Variants in BNIP2 observed in about 807,000 individuals in gnomAD.
BNIP2 encodes the protein BCL2/adenovirus E1B 19 kDa protein-interacting protein 2.
BNIP2 carries 36 observed loss-of-function variants against 43.4 expected under a neutral mutation model. The observed-to-expected ratio is 0.83, with a 90% CI of 0.64 to 1.10. The LOEUF is 1.10. Among genes scored for constraint, BNIP2 ranks in the 50% least tolerant of loss-of-function variants. BNIP2 has a pLI of 0.00. For missense variants in BNIP2, 417 were observed against 374.1 expected (o/e 1.11, Z -0.95); for synonymous variants, 146 against 121.0 (o/e 1.21, Z -1.35).
intron 1 of BNIP2, chr15:59,688,755 T>C: frequency 6.5e-7 from 1 of 1,535,746 alleles, no homozygotes; most frequent in South Asian, 1.2e-5. Flanking sequence ...TTCTTTGTTC[T>C]GTACCAGGAC....
chr15:59,676,636 T>A (rs1364593331), intron 5 of BNIP2: 4 of 568,470 alleles, frequency 7.0e-6, no homozygotes, highest in Non-Finnish European at 1.2e-5. Context: ...CAAAATTACA[T>A]AATATCTCTA....
chr15:59,681,495 C>G (rs769295376), intron 2 of BNIP2, among the ~76,000 whole-genome samples: 3 of 147,550 alleles, frequency 2.0e-5, no homozygotes, highest in Non-Finnish European at 3.0e-5. Flanking sequence ...GTCGCCCAAG[C>G]TGGAGTGCAG....
At chr15:59,676,653 GT>G (rs1893309701) in intron 5 of BNIP2, 1 of 589,582 alleles carries the variant, frequency 1.7e-6, no homozygotes, top group African/African-American at 1.9e-5. Context: ...TCTAGGCAGA[GT>G]TTCTAAAAGT....
intron 5 of BNIP2, among the ~76,000 whole-genome samples, chr15:59,675,635 G>C (rs1202459785): frequency 6.6e-6 from 1 of 151,924 alleles, no homozygotes; most frequent in African/African-American, 2.4e-5. Flanking sequence ...AAGAGTCCAA[G>C]TTTTACTTAT....
chr15:59,671,167 C>G lies in BNIP2; in HGVS notation c.707+16G>C, dbSNP rs1305597704. On this transcript the variant is annotated intron_variant, in intron 7 of 9. Coordinates refer to ENST00000607373, the MANE Select transcript of BNIP2 (RefSeq NM_004330.4). ...AAAATTTTTTCAGACTAGCTTTCAA[C>G]TTGTATTTGTATTACCTTCTATCAA... 1 of 1,562,618 alleles carries G rather than the reference C, an allele frequency of 6.4e-7. No individual in the cohort carries two copies. Among genetic ancestry groups the G allele is most frequent in the Non-Finnish European group, 8.7e-7 (1 of 1,153,276 alleles).
chr15:59,680,130 T>A (rs1893567471), intron 3 of BNIP2, 111 bp downstream of exon 3: 4 of 894,918 alleles, frequency 4.5e-6, no homozygotes, highest in Non-Finnish European at 6.4e-6. Context: ...ATACTTTGAC[T>A]TCTATGATGG....
intron 1 of BNIP2, among the ~76,000 whole-genome samples, chr15:59,684,739 C>A (rs1219628172): frequency 6.6e-6 from 1 of 152,124 alleles, no homozygotes; most frequent in Non-Finnish European, 1.5e-5. Flanking sequence ...ATTATCTTGT[C>A]GTACCTTTTT....
At chr15:59,685,437 G>C (rs1893951605) in intron 1 of BNIP2, among the ~76,000 whole-genome samples, 1 of 152,184 alleles carries the variant, frequency 6.6e-6, no homozygotes, top group Non-Finnish European at 1.5e-5. Flanking sequence ...AGAGGTGAAG[G>C]TTGCAGTGAG....
intron 5 of BNIP2, among the ~76,000 whole-genome samples, chr15:59,675,832 A>G (rs979435134): frequency 6.6e-6 from 1 of 152,246 alleles, no homozygotes; most frequent in South Asian, 2.1e-4. Context: ...ATGAATCTCA[A>G]AAACTTCATG....
At chr15:59,686,368 A>G (rs1046199177) in intron 1 of BNIP2, among the ~76,000 whole-genome samples, 3 of 151,988 alleles carry the variant, frequency 2.0e-5, no homozygotes, top group Non-Finnish European at 4.4e-5. Flanking sequence ...TGGGCAACAC[A>G]GTGAGATCTG....
At chr15:59,669,119 G>C (rs1892743649) in intron 8 of BNIP2, 129 bp from the exon 9 acceptor site, 5 of 1,067,642 alleles carry the variant, frequency 4.7e-6, no homozygotes, top group Non-Finnish European at 6.9e-6. Flanking sequence ...TGTCTGAGGT[G>C]ATGGATGTAC....
At position 59,664,131 on chromosome 15, in the gene BNIP2, A is replaced by T. The variant is rs1347761242; in HGVS notation, c.894-11T>A. On this transcript the variant is annotated splice_polypyrimidine_tract_variant and intron_variant, in intron 9 of 9. Transcript: ENST00000607373. ...AGTTCTTGATCAACTCTGTTTAATG[A>T]AGAATATATAAAATAAGAAACCAGC... 2 of 1,494,388 alleles carry T rather than the reference A, an allele frequency of 1.3e-6. No homozygotes were observed. The highest frequency in any genetic ancestry group is 2.8e-5 in the African/African-American group (2 of 71,048). 92.6% of individuals were successfully genotyped at this position (1,494,388 alleles called of 1,614,324 possible).
At chr15:59,685,222 G>T (rs1212346360) in intron 1 of BNIP2, among the ~76,000 whole-genome samples, 1 of 152,166 alleles carries the variant, frequency 6.6e-6, no homozygotes, top group Non-Finnish European at 1.5e-5. Context: ...CCTTGAGGCC[G>T]GACGTGGTGG....
chr15:59,675,148 C>T (rs1456392481), intron 5 of BNIP2, among the ~76,000 whole-genome samples: 4 of 151,184 alleles, frequency 2.6e-5, no homozygotes, highest in African/African-American at 9.7e-5. Context: ...ACTTGGGAGG[C>T]TGAGGCTGGC....
intron 3 of BNIP2, 25 bp from the exon 4 acceptor site, chr15:59,679,793 G>C (rs932620943): frequency 2.1e-6 from 3 of 1,454,044 alleles, no homozygotes; most frequent in African/African-American, 2.9e-5. Context: ...TAAAGAAAAA[G>C]ATACGTAACA....
In BNIP2 at chr15:59,676,962, T is replaced by A. The variant is rs1330137952; in HGVS notation, c.472+949A>T. 9 of 1,613,268 alleles carry A rather than the reference T, an allele frequency of 5.6e-6. No homozygotes were observed. In the East Asian group the frequency reaches 2.0e-4, roughly 36 times the overall value. ...AACAGCATGATCCTCTCTGCTGCCATCTTCATCACCCTCTTAGGTCTGCTT... is the reference window on the plus strand; with the variant it reads ...AACAGCATGATCCTCTCTGCTGCCAACTTCATCACCCTCTTAGGTCTGCTT... On this transcript the variant is annotated intron_variant, in intron 5 of 9. Transcript: ENST00000607373.
intron 2 of BNIP2, among the ~76,000 whole-genome samples, chr15:59,682,198 A>G (rs1201093664): frequency 6.6e-6 from 1 of 152,076 alleles, no homozygotes; most frequent in African/African-American, 2.4e-5. Context: ...GTGGTGGCGC[A>G]CACCTATAGT....
At position 59,668,760 on chromosome 15, in the gene BNIP2, A is replaced by ACG. The variant is rs1386959262; in HGVS notation, c.893+131_893+132insCG. On this transcript the variant is annotated intron_variant, in intron 9 of 9. Transcript: ENST00000607373. The stretch of plus-strand genomic sequence containing the variant: ...GCTTCTTCCTCTTTTTCTTTGTTAC[A>ACG]CACACACACACACGCGCGCGCGCGC... 5.6e-6 allele frequency: 4 copies of ACG among 708,184 alleles called. No individual in the cohort carries two copies. In the African/African-American group the frequency reaches 7.5e-5, roughly 13 times the overall value. The allele number at this position is 708,184 out of a possible 1,614,324, so 43.9% of individuals were successfully genotyped here. A position where few individuals can be genotyped will look rare whatever the true frequency, so the allele number is the denominator to read the frequency against.
At position 59,689,152 on chromosome 15, in the gene BNIP2, C is replaced by A; in HGVS notation, c.-75G>T. The stretch of plus-strand genomic sequence containing the variant: ...GCACTCACCCCGGAGGAAGCCTTGG[C>A]CCCCTCGTCCTCTTCGCCCCTCCAG... On this transcript the variant is annotated 5_prime_UTR_variant, in exon 1 of 10. Coordinates refer to ENST00000607373, the MANE Select transcript of BNIP2 (RefSeq NM_004330.4). 1 of 1,537,508 alleles carries A rather than the reference C, an allele frequency of 6.5e-7. No homozygotes were observed. The highest frequency in any genetic ancestry group is 8.7e-7 in the Non-Finnish European group (1 of 1,146,384).
Sources: gnomAD v4.1 joint callset for allele counts (sites outside exome capture counted in the v4.1 genomes callset) on GRCh38, gnomAD v4.1.1 for gene constraint, MANE v1.5 for transcripts, NCBI Gene and HGNC (gene_info 2026-07-23, HGNC 2026-07-21) for gene names.